Variants in MAP4 observed in about 807,000 individuals in gnomAD.
The protein encoded by MAP4 is microtubule associated protein 4.
MAP4 carries 76 observed loss-of-function variants against 170.2 expected under a neutral mutation model. That is an observed-to-expected ratio of 0.45 (90% CI 0.37 to 0.54). The LOEUF (loss-of-function observed/expected upper bound fraction) is 0.54, where lower values mean the gene tolerates loss of function less well. MAP4 is among the 20% of genes least tolerant of loss of function. MAP4 has a pLI of 0.00. For synonymous variants in MAP4, 909 were observed against 994.5 expected, an observed-to-expected ratio of 0.91 and a Z score of 1.62; for missense variants, 2,506 against 2,748.0, an observed-to-expected ratio of 0.91 and a Z score of 1.97.
intron 3 of MAP4, among the ~76,000 whole-genome samples, chr3:47,971,019 G>A (rs942893205): frequency 2.0e-5 from 3 of 152,156 alleles, no homozygotes; most frequent in African/African-American, 4.8e-5. Flanking sequence ...AAACGTAAAT[G>A]TAACATCTTG....
intron 10 of MAP4, among the ~76,000 whole-genome samples, chr3:47,889,542 TAC>T (rs1168791448): frequency 6.6e-6 from 1 of 152,370 alleles, no homozygotes; most frequent in East Asian, 1.9e-4. Flanking sequence ...AAGTTTTATC[TAC>T]AGAGTGGTTA....
chr3:47,889,063 C>T (rs1426518439), intron 10 of MAP4, among the ~76,000 whole-genome samples: 1 of 152,224 alleles, frequency 6.6e-6, no homozygotes, highest in Non-Finnish European at 1.5e-5. Context: ...CAAACCATGG[C>T]AACTCAATGC....
chr3:48,003,322 TG>T (rs2100100358), intron 1 of MAP4, among the ~76,000 whole-genome samples: 1 of 151,604 alleles, frequency 6.6e-6, no homozygotes, highest in South Asian at 2.1e-4. Context: ...AGCATGGTGG[TG>T]GGCACCTGTA....
intron 3 of MAP4, among the ~76,000 whole-genome samples, chr3:47,964,329 G>A (rs1306626288): frequency 6.6e-6 from 1 of 152,226 alleles, no homozygotes; most frequent in Admixed American, 6.5e-5. Flanking sequence ...GGAGAGAGCA[G>A]TGGAGGTGGT....
intron 1 of MAP4, chr3:48,039,493 C>A: frequency 6.5e-6 from 1 of 152,812 alleles, no homozygotes; most frequent in South Asian, 2.1e-4. Flanking sequence ...CTGAAAGAAC[C>A]CTGAATCAAG....
chr3:48,074,749 G>A (rs1029463000), intron 1 of MAP4, among the ~76,000 whole-genome samples: 14 of 135,208 alleles, frequency 1.0e-4, no homozygotes, highest in East Asian at 2.5e-4. Flanking sequence ...GACTGGTCTC[G>A]AACTCCTGGG....
chr3:47,914,273 G>C (rs1383462041), intron 8 of MAP4, among the ~76,000 whole-genome samples: 1 of 152,102 alleles, frequency 6.6e-6, no homozygotes, highest in Non-Finnish European at 1.5e-5. Context: ...AAACAGTGGA[G>C]AAGGCCAGGC....
chr3:48,014,951 A>G (rs1272027909), intron 1 of MAP4, among the ~76,000 whole-genome samples: 1 of 152,180 alleles, frequency 6.6e-6, no homozygotes, highest in Non-Finnish European at 1.5e-5. Context: ...TATTATGGCA[A>G]CATGGGAACT....
chr3:47,938,316 C>T (rs1284632617), intron 3 of MAP4, among the ~76,000 whole-genome samples: 2 of 151,984 alleles, frequency 1.3e-5, no homozygotes, highest in Admixed American at 6.6e-5. Context: ...TGCAGTGAAC[C>T]GAGACTGTGC....
Position 47,911,750 on chromosome 3 carries a change from G to C in MAP4, c.2671C>G (p.Gln891Glu), listed in dbSNP as rs142863341. 1.2e-4 allele frequency: 180 copies of C among 1,536,040 alleles called. No individual in the cohort carries two copies. In the East Asian group the frequency reaches 4.0e-3, roughly 34 times the overall value. The change falls in exon 9 of 21, where the codon CAA becomes GAA. Residue 891 changes from glutamine (Q) to glutamate (E), a missense_variant. Around this residue, in one of 3 missense-constraint regions of MAP4, gnomAD observed 2,008 missense variants for 2,206.0 expected, o/e 0.91. Transcript: ENST00000683076. The surrounding 1 kb of genome is among the most constrained non-coding windows in gnomAD (Gnocchi z 4.0). ...SKSNKSVLQN[Q>E]DKKLLKQHEY... ...TGTTGCTTCAGCAATTTCTTGTCTTGGTTTTGTAGTACTGACTTGTTACTT... is the reference window on the plus strand; with the variant it reads ...TGTTGCTTCAGCAATTTCTTGTCTTCGTTTTGTAGTACTGACTTGTTACTT...
rs11373263 is a variant in MAP4 at position 48,013,709 on chromosome 3, TA to T, written c.-20+2624del. 4.2e-3 allele frequency among the ~76,000 whole-genome samples: 572 copies of T among 134,634 alleles called. 1 individual carries two copies. Among genetic ancestry groups the T allele is most frequent in the Middle Eastern group, 0.032 (8 of 252 alleles). 88.3% of individuals were successfully genotyped at this position (134,634 alleles called of 152,430 possible). A position where few individuals can be genotyped will look rare whatever the true frequency, so the allele number is the denominator to read the frequency against. On this transcript the variant is annotated intron_variant, in intron 1 of 20. Transcript: ENST00000683076. The stretch of plus-strand genomic sequence containing the variant: ...CATTTATAATTGGGTTGAGGTTTAT[TA>T]AAAAAAAAAAAAAAAGCTTTTTGGC...
intron 1 of MAP4, among the ~76,000 whole-genome samples, chr3:48,038,662 G>A (rs1203751032): frequency 6.6e-6 from 1 of 152,134 alleles, no homozygotes; most frequent in East Asian, 1.9e-4. Flanking sequence ...GGGTTTCACC[G>A]TGTTAGCCAG....
chr3:47,951,005 A>G (rs974047007), intron 3 of MAP4, among the ~76,000 whole-genome samples: 4 of 152,260 alleles, frequency 2.6e-5, no homozygotes, highest in Non-Finnish European at 4.4e-5. Flanking sequence ...CAACAAATAT[A>G]TAAGACTAGT....
chr3:47,942,240 A>C (rs1187201043), intron 3 of MAP4, among the ~76,000 whole-genome samples: 1 of 152,262 alleles, frequency 6.6e-6, no homozygotes, highest in African/African-American at 2.4e-5. Flanking sequence ...AAACTTAATC[A>C]TAAAGACGTT....
At chr3:48,002,618 T>G (rs953188578) in intron 1 of MAP4, among the ~76,000 whole-genome samples, 2 of 151,372 alleles carry the variant, frequency 1.3e-5, no homozygotes, top group African/African-American at 4.9e-5. Context: ...CAGAGGCTCA[T>G]GCCTGTAACC....
chr3:47,988,257 A>ATTT (rs55794111), intron 2 of MAP4, among the ~76,000 whole-genome samples: 1 of 149,794 alleles, frequency 6.7e-6, no homozygotes, highest in East Asian at 1.9e-4. Context: ...TTCAGACAGG[A>ATTT]TTTTTTTTTT....
At chr3:47,960,194 T>C (rs2100070743) in intron 3 of MAP4, 1 of 154,262 alleles carries the variant, frequency 6.5e-6, no homozygotes, top group African/African-American at 2.4e-5. Flanking sequence ...CTCCACATGC[T>C]GCAGCCATCT....
At chr3:47,867,968 T>C (rs2083481389) in intron 16 of MAP4, among the ~76,000 whole-genome samples, 1 of 152,206 alleles carries the variant, frequency 6.6e-6, no homozygotes, top group Non-Finnish European at 1.5e-5. Flanking sequence ...CCTCCACACT[T>C]AGCCCATTTG....
In MAP4 at chr3:47,870,812, C is replaced by A. The variant is rs1186798742; in HGVS notation, c.6294+1G>T. ...CAGGACCCCAAGCTCCCTGGACCCA[C>A]CCGGCCTCCTCCAGGCTGATGCTTG... On this transcript the variant is annotated splice_donor_variant, in intron 15 of 20. Transcript: ENST00000683076. LOFTEE classifies it high-confidence loss of function. The A allele has an allele frequency of 6.5e-7, 1 of 1,545,518 alleles. No individual in the cohort carries two copies.
Sources: gnomAD v4.1 joint callset for allele counts (sites outside exome capture counted in the v4.1 genomes callset) on GRCh38, gnomAD v4.1.1 for gene constraint, gnomAD v4.1.1 regional missense constraint, Gnocchi (gnomAD v3.1) non-coding constraint, MANE v1.5 for transcripts, NCBI Gene and HGNC (gene_info 2026-07-23, HGNC 2026-07-21) for gene names.